The following TMEM232 variants were observed in gnomAD, a reference collection of about 807,000 sequenced individuals.
TMEM232 encodes transmembrane protein 232.
In TMEM232, 80 loss-of-function variants were observed where a neutral mutation model predicts 78.8. That is an observed-to-expected ratio of 1.01 (90% CI 0.85 to 1.22). The LOEUF (loss-of-function observed/expected upper bound fraction) is 1.22, where lower values mean the gene tolerates loss of function less well. TMEM232 is among the 50% of genes most tolerant of loss of function. TMEM232 has a pLI of 0.00. For missense variants in TMEM232, 881 were observed against 742.2 expected, an observed-to-expected ratio of 1.19 and a Z score of -2.17; for synonymous variants, 297 against 254.3, an observed-to-expected ratio of 1.17 and a Z score of -1.60.
chr5:110,428,645 C>T (rs947701084), intron 12 of TMEM232, among the ~76,000 whole-genome samples: 1 of 144,166 alleles, frequency 6.9e-6, no homozygotes, highest in Admixed American at 7.0e-5. Context: ...ATCCTCCTGT[C>T]TTTTTTTTTT....
intron 12 of TMEM232, among the ~76,000 whole-genome samples, chr5:110,463,407 TG>T (rs1194794712): frequency 6.6e-6 from 1 of 152,248 alleles, no homozygotes; most frequent in African/African-American, 2.4e-5. Flanking sequence ...TTATATGCAC[TG>T]GGGAATAACA....
At chr5:110,467,007 GA>G (rs1219527790) in intron 12 of TMEM232, among the ~76,000 whole-genome samples, 17 of 151,824 alleles carry the variant, frequency 1.1e-4, no homozygotes, top group African/African-American at 4.1e-4. Context: ...AAGGTTGATA[GA>G]AAAAGGGATC....
At chr5:110,555,249 C>A (rs1043944620) in intron 11 of TMEM232, among the ~76,000 whole-genome samples, 1 of 152,042 alleles carries the variant, frequency 6.6e-6, no homozygotes, top group East Asian at 1.9e-4. Context: ...TTATTGATAT[C>A]TGCTTTAATT....
chr5:110,500,544 G>C (rs73220785), intron 12 of TMEM232, among the ~76,000 whole-genome samples: 3,736 of 152,100 alleles, frequency 0.025, 107 homozygotes, highest in African/African-American at 0.065. Context: ...AGTTTAGAGG[G>C]AAATTTATAG....
chr5:110,426,905 T>C (rs567993417), intron 12 of TMEM232, among the ~76,000 whole-genome samples: 1 of 152,140 alleles, frequency 6.6e-6, no homozygotes, highest in East Asian at 1.9e-4. Flanking sequence ...GTTAAAAGTG[T>C]TCAAGCAAAT....
downstream of TMEM232, among the ~76,000 whole-genome samples, chr5:110,419,166 G>GAT (rs1756414358): frequency 7.6e-6 from 1 of 131,408 alleles, no homozygotes; most frequent in Admixed American, 7.2e-5. Flanking sequence ...GTCTTCTATA[G>GAT]ATTTTTTTTT....
At chr5:110,637,646 ATTAG>A (rs1378708586) in intron 5 of TMEM232, among the ~76,000 whole-genome samples, 1 of 152,014 alleles carries the variant, frequency 6.6e-6, no homozygotes, top group Non-Finnish European at 1.5e-5. Flanking sequence ...CAGTAAAACC[ATTAG>A]TTAAACTACA....
At chr5:110,575,135 A>G (rs184218307) in intron 10 of TMEM232, among the ~76,000 whole-genome samples, 3 of 152,178 alleles carry the variant, frequency 2.0e-5, no homozygotes, top group East Asian at 1.9e-4. Flanking sequence ...GAATATTGTT[A>G]TACTATAATA....
chr5:110,393,195 C>A (rs1313170211), intron 3 of TMEM232, among the ~76,000 whole-genome samples: 1 of 152,170 alleles, frequency 6.6e-6, no homozygotes, highest in Non-Finnish European at 1.5e-5. Flanking sequence ...TAGTATTGTT[C>A]AAGTCTTCCA....
chr5:110,537,040 G>A (rs1434690939), intron 11 of TMEM232, among the ~76,000 whole-genome samples: 1 of 152,060 alleles, frequency 6.6e-6, no homozygotes, highest in East Asian at 1.9e-4. Context: ...AATGCCCCTG[G>A]GGACTCCAGT....
chr5:110,629,375 T>C (rs1053486514), intron 5 of TMEM232, among the ~76,000 whole-genome samples: 1 of 152,182 alleles, frequency 6.6e-6, no homozygotes, highest in Non-Finnish European at 1.5e-5. Flanking sequence ...TATCTTTAGT[T>C]ATAGCTATAC....
intron 2 of TMEM232, among the ~76,000 whole-genome samples, chr5:110,644,235 T>A (rs1256093201): frequency 6.6e-6 from 1 of 151,940 alleles, no homozygotes; most frequent in Non-Finnish European, 1.5e-5. Flanking sequence ...TTCTCAATAG[T>A]CATCTGGGAT....
intron 11 of TMEM232, among the ~76,000 whole-genome samples, chr5:110,556,177 G>A (rs910743955): frequency 1.3e-5 from 2 of 151,984 alleles, no homozygotes; most frequent in Non-Finnish European, 2.9e-5. Context: ...GGCAGGTCTG[G>A]TGGCAACAAA....
intron 11 of TMEM232, among the ~76,000 whole-genome samples, chr5:110,545,066 G>T (rs116212686): frequency 2.0e-5 from 3 of 152,198 alleles, no homozygotes; most frequent in South Asian, 4.1e-4. Context: ...GCTTCACAAG[G>T]TTATGGTAAA....
At chr5:110,738,301 A>G, upstream of TMEM232, 1 of 1,243,894 alleles carries the variant, frequency 8.0e-7, no homozygotes, top group Non-Finnish European at 1.0e-6. Flanking sequence ...AGAGGTCCCA[A>G]TTTTGAACGA....
intron 11 of TMEM232, among the ~76,000 whole-genome samples, chr5:110,553,178 T>C (rs141442756): frequency 1.2e-4 from 18 of 152,150 alleles, no homozygotes; most frequent in Non-Finnish European, 2.4e-4. Flanking sequence ...GTAATCCCTC[T>C]GGCTTTGTTT....
intron 12 of TMEM232, among the ~76,000 whole-genome samples, chr5:110,507,438 T>C (rs1042650586): frequency 5.3e-5 from 8 of 152,178 alleles, no homozygotes; most frequent in African/African-American, 9.7e-5. Flanking sequence ...TACTGCAATA[T>C]ACCGTTAGGC....
chr5:110,594,354 A>G (rs1265031877), intron 10 of TMEM232, among the ~76,000 whole-genome samples: 1 of 152,128 alleles, frequency 6.6e-6, no homozygotes, highest in Non-Finnish European at 1.5e-5. Flanking sequence ...CCAGGGCCCC[A>G]GGTTTCAGGC....
intron 11 of TMEM232, among the ~76,000 whole-genome samples, chr5:110,564,494 A>T (rs1776104934): frequency 6.6e-6 from 1 of 152,020 alleles, no homozygotes; most frequent in Non-Finnish European, 1.5e-5. Flanking sequence ...AAAGTTTAGT[A>T]TTGGCAAGTG....
Sources: allele counts gnomAD v4.1 joint callset (sites outside exome capture counted in the v4.1 genomes callset), GRCh38; gene constraint gnomAD v4.1.1; transcripts MANE v1.5; gene names NCBI Gene and HGNC (gene_info 2026-07-23, HGNC 2026-07-21).